SH2D4A: variants seen among roughly 807,000 people sequenced by gnomAD.
The protein encoded by SH2D4A is SH2 domain containing 4A.
Under a neutral mutation model 64.7 loss-of-function variants are expected in SH2D4A, and 70 were observed. The observed-to-expected ratio is 1.08, with a 90% CI of 0.89 to 1.32. The LOEUF (loss-of-function observed/expected upper bound fraction) is 1.32. Among genes scored for constraint, SH2D4A ranks in the 40% most tolerant of loss-of-function variants. The probability of loss-of-function intolerance (pLI) is 0.00; values close to 1 mark genes in which losing one functional copy is unlikely to be tolerated. For missense variants in SH2D4A, 706 were observed against 540.1 expected (o/e 1.31, Z -3.04); for synonymous variants, 268 against 200.7 (o/e 1.34, Z -2.83).
chr8:19,364,699 C>A (rs2052960344), intron 7 of SH2D4A, among the ~76,000 whole-genome samples: 1 of 152,114 alleles, frequency 6.6e-6, no homozygotes, highest in African/African-American at 2.4e-5. Flanking sequence ...AGTAGGAACC[C>A]AAAGGCTTGC....
chr8:19,386,544 C>A (rs1247781168), intron 8 of SH2D4A, among the ~76,000 whole-genome samples: 1 of 152,170 alleles, frequency 6.6e-6, no homozygotes, highest in Non-Finnish European at 1.5e-5. Flanking sequence ...GAGCCCCAAG[C>A]TTCCCACTAC....
At chr8:19,373,810 G>C (rs536769943) in intron 8 of SH2D4A, 150 bp downstream of exon 8, 1 of 1,055,780 alleles carries the variant, frequency 9.5e-7, no homozygotes, top group Non-Finnish European at 1.3e-6. Context: ...TTTCAAAGAC[G>C]CCTCAGTAAG....
chr8:19,337,989 A>C (rs1232508986), intron 4 of SH2D4A, among the ~76,000 whole-genome samples: 1 of 152,190 alleles, frequency 6.6e-6, no homozygotes, highest in African/African-American at 2.4e-5. Context: ...AGCCACCGGA[A>C]GCTGGAAGAG....
intron 7 of SH2D4A, among the ~76,000 whole-genome samples, chr8:19,368,116 T>C (rs1363297248): frequency 1.3e-5 from 2 of 152,182 alleles, no homozygotes; most frequent in African/African-American, 4.8e-5. Flanking sequence ...GAAGAGACTA[T>C]CCTTTCTCCA....
intron 4 of SH2D4A, among the ~76,000 whole-genome samples, chr8:19,337,836 C>T (rs564131214): frequency 6.6e-6 from 1 of 152,256 alleles, no homozygotes; most frequent in African/African-American, 2.4e-5. Flanking sequence ...AGGTTCCTCC[C>T]ACAACACATG....
rs201619900 is a variant in SH2D4A at position 19,364,059 on chromosome 8, G to A, written c.707-13G>A. 12 of 1,613,438 alleles carry A rather than the reference G, an allele frequency of 7.4e-6. No homozygotes were observed. The highest frequency in any genetic ancestry group is 1.7e-4 in the Middle Eastern group (1 of 5,982). ...GCTGATGAGGGTTTTCTCCGACCCCGTTGTTTTTCCAGTGCGAAAATCCAA... is the reference window on the plus strand; with the variant it reads ...GCTGATGAGGGTTTTCTCCGACCCCATTGTTTTTCCAGTGCGAAAATCCAA... On this transcript the variant is annotated splice_polypyrimidine_tract_variant and intron_variant, in intron 6 of 9. Transcript: ENST00000265807.
chr8:19,373,423 C>G, intron 7 of SH2D4A, 107 bp from the exon 8 acceptor site: 2 of 663,136 alleles, frequency 3.0e-6, no homozygotes, highest in Non-Finnish European at 4.3e-6. Context: ...TATATATATG[C>G]ATGTATATGT....
chr8:19,392,863 T>A (rs2053515844), intron 8 of SH2D4A, among the ~76,000 whole-genome samples: 1 of 152,094 alleles, frequency 6.6e-6, no homozygotes, highest in South Asian at 2.1e-4. Flanking sequence ...TGCCTCAGCC[T>A]CCTGAGTAGC....
At chr8:19,356,200 G>A (rs775946685) in intron 4 of SH2D4A, among the ~76,000 whole-genome samples, 2 of 152,212 alleles carry the variant, frequency 1.3e-5, no homozygotes, top group Admixed American at 6.5e-5. Context: ...TAAGACAACC[G>A]CTGAGGCATT....
chr8:19,339,964 A>T (rs2052501746), intron 4 of SH2D4A, among the ~76,000 whole-genome samples: 2 of 152,120 alleles, frequency 1.3e-5, no homozygotes, highest in Non-Finnish European at 2.9e-5. Context: ...TTGGTTGGGG[A>T]GGGAGAGAGA....
rs1198951111 is a variant in SH2D4A at position 19,361,317 on chromosome 8, G to T, written c.706+3G>T. 6.2e-7 allele frequency: 1 copy of T among 1,605,974 alleles called. No homozygotes were observed. The highest frequency in any genetic ancestry group is 1.3e-5 in the African/African-American group (1 of 74,242). ...AGACTCGGAATGGCAGGCATCTCGT[G>T]AGTACCCAGAGGTCTCCATAGCACC... is the stretch of plus-strand genomic sequence containing the variant. On this transcript the variant is annotated splice_donor_region_variant and intron_variant, in intron 6 of 9. Coordinates refer to ENST00000265807, the MANE Select transcript of SH2D4A (RefSeq NM_022071.4).
At chr8:19,357,955 G>C (rs2052819956) in intron 5 of SH2D4A, among the ~76,000 whole-genome samples, 1 of 152,082 alleles carries the variant, frequency 6.6e-6, no homozygotes, top group South Asian at 2.1e-4. Context: ...GTGGAGGTCA[G>C]GCCAGGGACC....
At chr8:19,324,032 C>G (rs942503611) in intron 2 of SH2D4A, among the ~76,000 whole-genome samples, 2 of 152,216 alleles carry the variant, frequency 1.3e-5, no homozygotes, top group Non-Finnish European at 2.9e-5. Context: ...AGCTTAATGA[C>G]AGTGACTTTT....
chr8:19,346,939 T>C (rs1026358652), intron 4 of SH2D4A, among the ~76,000 whole-genome samples: 1 of 152,076 alleles, frequency 6.6e-6, no homozygotes, highest in Admixed American at 6.5e-5. Context: ...ATATGAAGAG[T>C]TGGAGGCAAA....
At position 19,356,012 on chromosome 8, in the gene SH2D4A, C is replaced by T. The variant is rs544457176; in HGVS notation, c.514-1191C>T. ...TAGTTCAGGAGGGCTCTGCTCCACA[C>T]AGTCATTCAGGGACTCAGGCTTTTG... On this transcript the variant is annotated intron_variant, in intron 4 of 9. Coordinates refer to ENST00000265807, the MANE Select transcript of SH2D4A (RefSeq NM_022071.4). 1.8e-4 allele frequency among the ~76,000 whole-genome samples: 28 copies of T among 152,322 alleles called. No homozygotes were observed. The South Asian group carries it at 5.6e-3, about 30-fold the overall frequency.
At chr8:19,328,931 C>A (rs1268528439) in intron 2 of SH2D4A, among the ~76,000 whole-genome samples, 1 of 152,178 alleles carries the variant, frequency 6.6e-6, no homozygotes, top group Non-Finnish European at 1.5e-5. Flanking sequence ...GGCTCAGCTG[C>A]AGTACAGGTC....
At chr8:19,363,288 G>A (rs2052925338) in intron 6 of SH2D4A, among the ~76,000 whole-genome samples, 1 of 151,976 alleles carries the variant, frequency 6.6e-6, no homozygotes, top group South Asian at 2.1e-4. Flanking sequence ...TGTTGGCCAG[G>A]CTAGTCTCAA....
Position 19,392,934 on chromosome 8 carries a change from G to C in SH2D4A, c.1049-384G>C, listed in dbSNP as rs192629750. ...TTTTTTGTATTTTTAGTAGACATGG[G>C]GTTTCACCGTATTAGTCAGGATGGT... On this transcript the variant is annotated intron_variant, in intron 8 of 9. Transcript: ENST00000265807. 2.6e-4 allele frequency among the ~76,000 whole-genome samples: 39 copies of C among 152,048 alleles called. No homozygotes were observed. In the East Asian group the frequency reaches 7.0e-3, roughly 27 times the overall value.
chr8:19,390,377 A>ATCTTTTTTTT (rs2053471247), intron 8 of SH2D4A, among the ~76,000 whole-genome samples: 1 of 152,070 alleles, frequency 6.6e-6, no homozygotes, highest in Non-Finnish European at 1.5e-5. Context: ...TAAAAAAAAG[A>ATCTTTTTTTT]AAACGTGGAA....
Sources: gnomAD v4.1 joint callset for allele counts (sites outside exome capture counted in the v4.1 genomes callset) on GRCh38, gnomAD v4.1.1 for gene constraint, MANE v1.5 for transcripts, NCBI Gene and HGNC (gene_info 2026-07-23, HGNC 2026-07-21) for gene names.